NOL4: variants seen among roughly 807,000 people sequenced by gnomAD.
NOL4 encodes nucleolar protein 4, also known as cancer/testis antigen 125.
NOL4 carries 17 observed loss-of-function variants against 75.9 expected under a neutral mutation model. That is an observed-to-expected ratio of 0.22 (90% CI 0.15 to 0.34). The LOEUF (loss-of-function observed/expected upper bound fraction) is 0.34, where lower values mean the gene tolerates loss of function less well. Ranked by LOEUF, NOL4 falls within the 10% of genes least tolerant of loss-of-function variation. The pLI, the probability that NOL4 is intolerant of heterozygous loss-of-function variation, is 1.00. For missense variants in NOL4, 614 were observed against 793.5 expected, an observed-to-expected ratio of 0.77 and a Z score of 2.72; for synonymous variants, 292 against 289.9, an observed-to-expected ratio of 1.01 and a Z score of -0.07.
chr18:34,200,363 G>A (rs1343408421), intron 1 of NOL4, among the ~76,000 whole-genome samples: 1 of 151,688 alleles, frequency 6.6e-6, no homozygotes, highest in Non-Finnish European at 1.5e-5. Context: ...TCCTATTTGA[G>A]AAGAAATAAT....
At chr18:34,193,528 A>G (rs138340521) in intron 1 of NOL4, among the ~76,000 whole-genome samples, 12 of 152,300 alleles carry the variant, frequency 7.9e-5, no homozygotes, top group Non-Finnish European at 1.6e-4. Context: ...GCAATTTTAA[A>G]CCACAATGAT....
chr18:34,161,184 G>T (rs1474086738), intron 1 of NOL4, among the ~76,000 whole-genome samples: 1 of 152,114 alleles, frequency 6.6e-6, no homozygotes, highest in Non-Finnish European at 1.5e-5. Context: ...ATTCCATTGG[G>T]TATATATACC....
At chr18:33,880,066 C>T (rs1194623028) in intron 10 of NOL4, among the ~76,000 whole-genome samples, 1 of 152,034 alleles carries the variant, frequency 6.6e-6, no homozygotes, top group African/African-American at 2.4e-5. Context: ...AATTGCATCT[C>T]TCTTATCAGG....
chr18:34,065,286 A>C (rs2077226611), intron 5 of NOL4, among the ~76,000 whole-genome samples: 1 of 151,858 alleles, frequency 6.6e-6, no homozygotes, highest in Non-Finnish European at 1.5e-5. Flanking sequence ...TTTGACACTT[A>C]ATATTTATTA....
At chr18:34,204,249 G>A (rs1392863453) in intron 1 of NOL4, among the ~76,000 whole-genome samples, 1 of 152,088 alleles carries the variant, frequency 6.6e-6, no homozygotes, top group East Asian at 1.9e-4. Flanking sequence ...TTGACAGTGA[G>A]TTCTAAACCC....
At chr18:34,016,748 T>C (rs939360890) in intron 6 of NOL4, among the ~76,000 whole-genome samples, 5 of 152,118 alleles carry the variant, frequency 3.3e-5, no homozygotes, top group Admixed American at 6.6e-5. Context: ...CTCATATCAC[T>C]TACAGAATCA....
intron 9 of NOL4, among the ~76,000 whole-genome samples, chr18:33,910,341 C>T (rs1330059880): frequency 2.6e-5 from 4 of 152,058 alleles, no homozygotes; most frequent in Non-Finnish European, 5.9e-5. Context: ...TGAAACACAC[C>T]GACAAGAGTC....
chr18:33,963,279 G>C (rs187809825), intron 6 of NOL4, among the ~76,000 whole-genome samples: 15 of 152,238 alleles, frequency 9.9e-5, no homozygotes. Flanking sequence ...CAAGACATGA[G>C]CTTTACAGAT....
At chr18:34,028,149 AC>A (rs927181630) in intron 5 of NOL4, among the ~76,000 whole-genome samples, 1 of 151,812 alleles carries the variant, frequency 6.6e-6, no homozygotes, top group Non-Finnish European at 1.5e-5. Context: ...TGGTCATAGT[AC>A]CCCCCCAACC....
rs147388675 is a variant in NOL4 at position 33,908,168 on chromosome 18, A to G, written c.1543-24744T>C. 1.5e-3 allele frequency among the ~76,000 whole-genome samples: 233 copies of G among 152,330 alleles called. 1 individual carries two copies. Among genetic ancestry groups the G allele is most frequent in the African/African-American group, 5.4e-3 (223 of 41,594 alleles). Reference sequence around the variant, plus strand: ...ATTTTTCACAGGAGTCAGTTACCCAACATTGGTGTTCTCACTACTGACTTA... The same window carrying G: ...ATTTTTCACAGGAGTCAGTTACCCAGCATTGGTGTTCTCACTACTGACTTA... On this transcript the variant is annotated intron_variant, in intron 9 of 10. Transcript: ENST00000261592.
At chr18:33,908,077 G>A (rs2066170952) in intron 9 of NOL4, among the ~76,000 whole-genome samples, 1 of 152,100 alleles carries the variant, frequency 6.6e-6, no homozygotes, top group Non-Finnish European at 1.5e-5. Context: ...TGTCACAAAT[G>A]GTTCTACGGG....
At chr18:33,882,282 G>A (rs1347704676) in intron 10 of NOL4, among the ~76,000 whole-genome samples, 1 of 151,998 alleles carries the variant, frequency 6.6e-6, no homozygotes, top group Non-Finnish European at 1.5e-5. Flanking sequence ...TACAAAATGG[G>A]AGAAAATTTT....
chr18:34,143,676 G>A (rs534193272), intron 1 of NOL4, among the ~76,000 whole-genome samples: 1 of 151,980 alleles, frequency 6.6e-6, no homozygotes, highest in South Asian at 2.1e-4. Context: ...AGACCAGCCT[G>A]GCCAACATGG....
intron 9 of NOL4, among the ~76,000 whole-genome samples, chr18:33,942,788 T>C (rs1353674789): frequency 6.6e-6 from 1 of 151,912 alleles, no homozygotes; most frequent in African/African-American, 2.4e-5. Context: ...TAGAACCTCT[T>C]AATAAGTAAT....
chr18:34,172,949 TAGGCTGTCTTTCA>T (rs1415331069), intron 1 of NOL4, among the ~76,000 whole-genome samples: 1 of 152,092 alleles, frequency 6.6e-6, no homozygotes, highest in Admixed American at 6.6e-5. Context: ...TCTCATTCCA[TAGGCTGTCTTTCA>T]ATGTTGTTGA....
rs1389901608 is a variant in NOL4, at chr18:34,224,129, A to T, written c.-876T>A. ...AGTGCCCCAAACAGATATCCGTTCC[A>T]GGGGGATGTGGGTAACCGAAGGCAG... On this transcript the variant is annotated 5_prime_UTR_variant, in exon 1 of 11. Coordinates refer to ENST00000261592, the MANE Select transcript of NOL4 (RefSeq NM_003787.5). 6.6e-6 allele frequency: 1 copy of T among 152,288 alleles called. No individual in the cohort carries two copies. The highest frequency in any genetic ancestry group is 1.5e-5 in the Non-Finnish European group (1 of 68,086). The allele number at this position is 152,288 out of a possible 1,614,324, so 9.4% of individuals were successfully genotyped here.
At chr18:34,114,441 T>C (rs2145777993) in intron 2 of NOL4, among the ~76,000 whole-genome samples, 1 of 152,266 alleles carries the variant, frequency 6.6e-6, no homozygotes, top group Middle Eastern at 3.4e-3. Flanking sequence ...ACATATTAAA[T>C]ATATTGCTCA....
intron 2 of NOL4, chr18:34,128,844 G>A (rs2145895370): frequency 1.0e-6 from 1 of 976,738 alleles, no homozygotes; most frequent in Non-Finnish European, 1.2e-6. Context: ...TTCAAACATA[G>A]GTACCTGTAT....
At chr18:34,090,695 T>C (rs970011386) in intron 5 of NOL4, among the ~76,000 whole-genome samples, 3 of 151,526 alleles carry the variant, frequency 2.0e-5, no homozygotes, top group African/African-American at 7.3e-5. Context: ...ACATTAGCGT[T>C]GAAGGAGATG....
Sources: allele counts gnomAD v4.1 joint callset (sites outside exome capture counted in the v4.1 genomes callset), GRCh38; gene constraint gnomAD v4.1.1; transcripts MANE v1.5; gene names NCBI Gene and HGNC (gene_info 2026-07-23, HGNC 2026-07-21).